The following TCF12 variants were observed in gnomAD, a reference collection of about 807,000 sequenced individuals.
TCF12 encodes transcription factor 12.
TCF12 carries 45 observed loss-of-function variants against 86.0 expected under a neutral mutation model. The observed-to-expected ratio is 0.52, with a 90% CI of 0.41 to 0.67. The LOEUF (loss-of-function observed/expected upper bound fraction) is 0.67. Among genes scored for constraint, TCF12 ranks in the 30% least tolerant of loss-of-function variants. The probability of loss-of-function intolerance (pLI) is 0.00; values close to 1 mark genes in which losing one functional copy is unlikely to be tolerated. For missense variants in TCF12, 881 were observed against 859.9 expected (o/e 1.02, Z -0.31); for synonymous variants, 330 against 299.6 (o/e 1.10, Z -1.05).
At chr15:57,178,984 T>G (rs2056148245) in intron 6 of TCF12, among the ~76,000 whole-genome samples, 1 of 152,080 alleles carries the variant, frequency 6.6e-6, no homozygotes, top group South Asian at 2.1e-4. Context: ...CCCGGATCTC[T>G]CTACTGTGAT....
intron 5 of TCF12, among the ~76,000 whole-genome samples, chr15:57,099,359 C>G (rs1280621709): frequency 6.6e-6 from 1 of 152,000 alleles, no homozygotes; most frequent in African/African-American, 2.4e-5. Flanking sequence ...ACTCAGATCC[C>G]TCTTATCTAT....
intron 5 of TCF12, among the ~76,000 whole-genome samples, chr15:57,115,430 G>A (rs1047858813): frequency 5.3e-5 from 8 of 152,140 alleles, no homozygotes; most frequent in African/African-American, 1.7e-4. Flanking sequence ...AGTGGCATTA[G>A]CATCTTACAA....
At position 57,104,435 on chromosome 15, in the gene TCF12, C is replaced by CTTT. The variant is rs71113062; in HGVS notation, c.325+12566_325+12568dup. Among the ~76,000 whole-genome samples the CTTT allele has an allele frequency of 9.3e-3, 959 of 102,878 alleles. 2 individuals are homozygous for CTTT. The highest frequency in any genetic ancestry group is 0.014 in the Non-Finnish European group (704 of 51,008). 67.5% of individuals were successfully genotyped at this position (102,878 alleles called of 152,430 possible). ...AGCCACAAGAATAAATTTTTTTTTT[C>CTTT]TTTTTTTTTTTTTTTTTTTTTTTTG... On this transcript the variant is annotated intron_variant, in intron 5 of 20. Transcript: ENST00000333725.
In TCF12 at chr15:56,918,894, G is replaced by T; in HGVS notation, c.-35G>T. The T allele has an allele frequency of 6.5e-6, 1 of 152,772 alleles. No homozygotes were observed. The highest frequency in any genetic ancestry group is 2.0e-4 in the South Asian group (1 of 4,934). 9.5% of individuals were successfully genotyped at this position (152,772 alleles called of 1,614,324 possible). A position where few individuals can be genotyped will look rare whatever the true frequency, so the allele number is the denominator to read the frequency against. ...TTTAATCGGGGTGGTTGGATGCGGA[G>T]ACGGGGCGGCAGGTAATTGCGGGCT... On this transcript the variant is annotated 5_prime_UTR_variant, in exon 1 of 21. Transcript: ENST00000333725.
chr15:57,225,349 C>T (rs1212793943), intron 8 of TCF12, among the ~76,000 whole-genome samples: 1 of 148,916 alleles, frequency 6.7e-6, no homozygotes, highest in Non-Finnish European at 1.5e-5. Context: ...ACATCATTCT[C>T]CTGCCTCAGC....
chr15:57,221,435 T>C (rs918676147), intron 8 of TCF12, among the ~76,000 whole-genome samples: 65 of 150,046 alleles, frequency 4.3e-4, no homozygotes, highest in South Asian at 8.5e-4. Context: ...TTCAGTAAAA[T>C]TAATTATGTA....
intron 3 of TCF12, among the ~76,000 whole-genome samples, chr15:56,945,749 G>T (rs1396517667): frequency 1.3e-5 from 2 of 152,156 alleles, no homozygotes; most frequent in Admixed American, 6.6e-5. Flanking sequence ...AATTGCCATT[G>T]TAATGGTGTT....
intron 8 of TCF12, among the ~76,000 whole-genome samples, chr15:57,206,759 A>C (rs1468812472): frequency 6.6e-6 from 1 of 151,340 alleles, no homozygotes; most frequent in Non-Finnish European, 1.5e-5. Context: ...ACTTAACTTA[A>C]ACTTAGATAT....
intron 3 of TCF12, 54 bp from the exon 4 acceptor site, chr15:57,063,696 A>G (rs2141723646): frequency 1.3e-6 from 2 of 1,529,332 alleles, no homozygotes; most frequent in East Asian, 4.6e-5. Flanking sequence ...CCGTACCAAA[A>G]AAATCCACAA....
At chr15:57,120,540 T>A (rs938391778) in intron 5 of TCF12, among the ~76,000 whole-genome samples, 2 of 152,228 alleles carry the variant, frequency 1.3e-5, no homozygotes, top group Non-Finnish European at 2.9e-5. Flanking sequence ...TTGTTATAGT[T>A]GTTTGAATGC....
At chr15:57,018,957 G>A (rs949663655) in intron 3 of TCF12, among the ~76,000 whole-genome samples, 2 of 152,170 alleles carry the variant, frequency 1.3e-5, no homozygotes, top group African/African-American at 2.4e-5. Context: ...GGGGTGAAAG[G>A]CCTGGACTGA....
At chr15:57,107,536 C>T (rs2050214623) in intron 5 of TCF12, among the ~76,000 whole-genome samples, 1 of 151,988 alleles carries the variant, frequency 6.6e-6, no homozygotes, top group African/African-American at 2.4e-5. Flanking sequence ...GAATATACAA[C>T]ACCAAGAGTA....
At chr15:57,116,868 G>T (rs2151268432) in intron 5 of TCF12, among the ~76,000 whole-genome samples, 1 of 152,262 alleles carries the variant, frequency 6.6e-6, no homozygotes, top group South Asian at 2.1e-4. Context: ...TAGCTGAGAA[G>T]AAGCTTGGGG....
At chr15:56,983,070 G>A (rs2062972966) in intron 3 of TCF12, among the ~76,000 whole-genome samples, 2 of 152,220 alleles carry the variant, frequency 1.3e-5, no homozygotes, top group Admixed American at 6.5e-5. Context: ...ACACAAGGTT[G>A]TTGTTAGAAA....
intron 19 of TCF12, among the ~76,000 whole-genome samples, chr15:57,275,004 G>T (rs1429856988): frequency 1.3e-5 from 2 of 152,104 alleles, no homozygotes; most frequent in African/African-American, 4.8e-5. Flanking sequence ...TTATTCATTT[G>T]TAACATTGGA....
At chr15:57,284,163 G>A (rs1237760587) in intron 20 of TCF12, among the ~76,000 whole-genome samples, 2 of 152,078 alleles carry the variant, frequency 1.3e-5, no homozygotes, top group African/African-American at 2.4e-5. Context: ...AATAAACTTT[G>A]AAGTTTTTTT....
intron 3 of TCF12, among the ~76,000 whole-genome samples, chr15:56,980,223 G>A (rs186119346): frequency 6.6e-6 from 1 of 152,240 alleles, no homozygotes; most frequent in Admixed American, 6.5e-5. Context: ...AAATTAGCTG[G>A]GGGTAGTGGC....
intron 12 of TCF12, among the ~76,000 whole-genome samples, chr15:57,235,999 A>C (rs141624034): frequency 2.4e-3 from 366 of 152,316 alleles, no homozygotes; most frequent in African/African-American, 8.5e-3. Context: ...CGTGAATGGA[A>C]TCCAGTGAAG....
At chr15:57,169,627 T>C (rs1489311721) in intron 6 of TCF12, among the ~76,000 whole-genome samples, 1 of 152,204 alleles carries the variant, frequency 6.6e-6, no homozygotes, top group Non-Finnish European at 1.5e-5. Context: ...TTTAATATTA[T>C]TTTTAAGAGA....
Sources: allele counts gnomAD v4.1 joint callset (sites outside exome capture counted in the v4.1 genomes callset), GRCh38; gene constraint gnomAD v4.1.1; transcripts MANE v1.5; gene names NCBI Gene and HGNC (gene_info 2026-07-23, HGNC 2026-07-21).